UBR4: variants seen among roughly 807,000 people sequenced by gnomAD.
UBR4 encodes the protein ubiquitin protein ligase E3 component n-recognin 4.
A neutral mutation model predicts 575.6 loss-of-function variants in UBR4; 124 were observed. That is an observed-to-expected ratio of 0.22 (90% CI 0.19 to 0.25). The LOEUF is 0.25. Ranked by LOEUF, UBR4 falls within the 10% of genes least tolerant of loss-of-function variation. The probability of loss-of-function intolerance (pLI) is 1.00; values close to 1 mark genes in which losing one functional copy is unlikely to be tolerated. For missense variants in UBR4, 4,818 were observed against 6,478.8 expected, an observed-to-expected ratio of 0.74 and a Z score of 8.80; for synonymous variants, 2,455 against 2,473.7, an observed-to-expected ratio of 0.99 and a Z score of 0.22.
Position 19,093,909 on chromosome 1 carries a change from G to A in UBR4, c.13937+40C>T. Reference sequence around the variant, plus strand: ...CACAGACCTAGTTCGGCGTTTTAGTGGAGACTCTCATTTCACTATATGAAA... The same window carrying A: ...CACAGACCTAGTTCGGCGTTTTAGTAGAGACTCTCATTTCACTATATGAAA... On this transcript the variant is annotated intron_variant, in intron 95 of 105. Transcript: ENST00000375254. The surrounding 1 kb of genome is among the most constrained non-coding windows in gnomAD (Gnocchi z 4.8). The A allele has an allele frequency of 6.3e-7, 1 of 1,584,934 alleles. No individual in the cohort carries two copies. Among genetic ancestry groups the A allele is most frequent in the Non-Finnish European group, 8.6e-7 (1 of 1,161,520 alleles).
chr1:19,159,963 C>T lies in UBR4; in HGVS notation c.5577+148G>A, dbSNP rs899713283. The T allele has an allele frequency of 3.0e-6, 3 of 988,430 alleles. No individual in the cohort carries two copies. The Admixed American group carries it at 9.3e-5, about 31-fold the overall frequency. The allele number at this position is 988,430 out of a possible 1,614,324, so 61.2% of individuals were successfully genotyped here. On this transcript the variant is annotated intron_variant, in intron 39 of 105. Coordinates refer to ENST00000375254, the MANE Select transcript of UBR4 (RefSeq NM_020765.3). Reference sequence around the variant, plus strand: ...CACACTGTTCATAATATGTTCTGGGCATGTCATGATGTCTTAGATTCTAAG... The same window carrying T: ...CACACTGTTCATAATATGTTCTGGGTATGTCATGATGTCTTAGATTCTAAG...
chr1:19,167,942 C>T (rs2088799535), intron 28 of UBR4, 85 bp downstream of exon 28: 2 of 1,371,948 alleles, frequency 1.5e-6, no homozygotes, highest in South Asian at 3.6e-5. Context: ...AGCATTACTA[C>T]ATAGTTATAA....
chr1:19,185,597 G>A, intron 14 of UBR4, among the ~76,000 whole-genome samples: 2 of 147,068 alleles, frequency 1.4e-5, no homozygotes. Context: ...TTTTTGAGAG[G>A]GAGTCTCGCT....
At chr1:19,148,909 C>T (rs2085262687) in intron 49 of UBR4, among the ~76,000 whole-genome samples, 1 of 152,226 alleles carries the variant, frequency 6.6e-6, no homozygotes, top group Non-Finnish European at 1.5e-5. Context: ...GTGCTTCCTT[C>T]TGCTGCCTGT....
At position 19,165,304 on chromosome 1, in the gene UBR4, G is replaced by A; in HGVS notation, c.4257C>T (p.Leu1419=). 6.2e-7 allele frequency: 1 copy of A among 1,614,204 alleles called. No homozygotes were observed. The highest frequency in any genetic ancestry group is 1.3e-5 in the African/African-American group (1 of 75,052). The change falls in exon 31 of 106, where the codon CTC becomes CTT. Residue 1419 remains leucine (L), a synonymous_variant. Transcript: ENST00000375254. The part of the protein sequence containing the change: ...QIMMATANEN[L]SAKFCNRVLK... ...AAACTCGGTTACAGAATTTAGCAGA[G>A]AGGTTCTCATTGGCTGTTGCCATCA...
intron 103 of UBR4, chr1:19,079,909 G>A (rs575810355): frequency 6.6e-6 from 1 of 152,356 alleles, no homozygotes; most frequent in African/African-American, 2.4e-5. Flanking sequence ...CTGCTACAGA[G>A]AAAACAGCAA....
chr1:19,171,728 C>T (rs1170742227), intron 25 of UBR4, among the ~76,000 whole-genome samples: 1 of 152,132 alleles, frequency 6.6e-6, no homozygotes, highest in Non-Finnish European at 1.5e-5. Context: ...ATGCACCTGT[C>T]ATCCCTGCCA....
chr1:19,109,681 GC>G (rs2079623341), intron 81 of UBR4, among the ~76,000 whole-genome samples: 1 of 152,240 alleles, frequency 6.6e-6, no homozygotes, highest in African/African-American at 2.4e-5. Context: ...GGAACAACTT[GC>G]CCAACATCAT....
Position 19,127,605 on chromosome 1 carries a change from A to G in UBR4, c.9228+18T>C, listed in dbSNP as rs372745531. ...CCGCTTACCTTTCCCCAAACCCATG[A>G]ACCCAAAGCAAAAATACCTCACATA... is the stretch of plus-strand genomic sequence containing the variant. On this transcript the variant is annotated intron_variant, in intron 63 of 105. Transcript: ENST00000375254. 4.6e-5 allele frequency: 74 copies of G among 1,607,360 alleles called. No individual in the cohort carries two copies. The highest frequency in any genetic ancestry group is 5.0e-5 in the Admixed American group (3 of 59,996).
At chr1:19,109,087 C>T (rs2079549763) in intron 81 of UBR4, among the ~76,000 whole-genome samples, 1 of 152,210 alleles carries the variant, frequency 6.6e-6, no homozygotes, top group Non-Finnish European at 1.5e-5. Context: ...TGTCCAGCTT[C>T]CCCACATCAT....
chr1:19,084,720 A>T, intron 101 of UBR4, 22 bp from the exon 102 acceptor site: 1 of 1,576,578 alleles, frequency 6.3e-7, no homozygotes, highest in African/African-American at 1.3e-5. Context: ...CAGAACAAAC[A>T]ATGAAATGGA....
At chr1:19,148,520 G>A in intron 50 of UBR4, 43 bp downstream of exon 50, 2 of 1,612,374 alleles carry the variant, frequency 1.2e-6, no homozygotes, top group Non-Finnish European at 8.5e-7. Context: ...CTGACTTCCT[G>A]CCTCTTCAGA....
chr1:19,127,737 A>G lies in UBR4; in HGVS notation c.9114T>C (p.Asp3038=). 1 of 1,613,730 alleles carries G rather than the reference A, an allele frequency of 6.2e-7. No homozygotes were observed. ...LIAELGMDKK[D]VSKKNERSAL... ...CGCTGCGCTCATTCTTCTTGGAGAC[A>G]TCCTGCAGGCCAAAGCGTAAGTCCA... The change falls in exon 63 of 106, where the codon GAT becomes GAC. Residue 3038 remains aspartate (D), a splice_region_variant and synonymous_variant. Coordinates refer to ENST00000375254, the MANE Select transcript of UBR4 (RefSeq NM_020765.3).
In UBR4 at chr1:19,139,193, G is replaced by A; in HGVS notation, c.8621C>T (p.Thr2874Ile). Reference sequence around the variant, plus strand: ...AAGGGTAGAACCATCTGTCGCTGCTGTACTGCCCTCGTCGTCTGAGGCTGG... The same window carrying A: ...AAGGGTAGAACCATCTGTCGCTGCTATACTGCCCTCGTCGTCTGAGGCTGG... ...SAPASDDEGS[T>I]AATDGSTLRT... Residue 2874 changes from threonine (T) to isoleucine (I), a missense_variant, in exon 59 of 106, where the codon ACA (threonine) becomes ATA (isoleucine). By Grantham distance (89) the Thr-to-Ile change is moderately conservative (BLOSUM62 -1). Around this residue, in one of 29 missense-constraint regions of UBR4, gnomAD observed 57 missense variants for 101.5 expected, o/e 0.56. Transcript: ENST00000375254. The surrounding 1 kb of genome is among the most constrained non-coding windows in gnomAD (Gnocchi z 4.2). The A allele has an allele frequency of 6.2e-7, 1 of 1,613,212 alleles. No individual in the cohort carries two copies. Among genetic ancestry groups the A allele is most frequent in the African/African-American group, 1.3e-5 (1 of 75,032 alleles).
chr1:19,088,846 A>G lies in UBR4; in HGVS notation c.14343T>C (p.Ile4781=), dbSNP rs2077256280. Residue 4781 remains isoleucine, a synonymous_variant, in exon 98 of 106, where the codon ATT becomes ATC. Transcript: ENST00000375254. This position sits in a 1 kb window ranked among gnomAD's most constrained non-coding sequence, Gnocchi z 4.0. ...CCCGGGTCTCCCTGCGGGCTGCGTCAATCTTCTTGTTTACGTCAGGGTGTT... is the reference window on the plus strand; with the variant it reads ...CCCGGGTCTCCCTGCGGGCTGCGTCGATCTTCTTGTTTACGTCAGGGTGTT... ...LREHPDVNKK[I]DAARRETRAE... 2 of 1,613,836 alleles carry G rather than the reference A, an allele frequency of 1.2e-6. No individual in the cohort carries two copies.
chr1:19,206,268 T>C (rs1261630229), intron 1 of UBR4, among the ~76,000 whole-genome samples: 2 of 152,068 alleles, frequency 1.3e-5, no homozygotes, highest in African/African-American at 4.8e-5. Context: ...GCCCAGGAGT[T>C]TGAGGCTGTA....
At chr1:19,107,112 T>C in intron 81 of UBR4, 146 bp from the exon 82 acceptor site, 1 of 1,211,772 alleles carries the variant, frequency 8.3e-7, no homozygotes, top group Non-Finnish European at 1.1e-6. Context: ...TATGCCCAAA[T>C]ATGTGTTCCT....
chr1:19,183,492 C>T (rs1192901023), intron 17 of UBR4, among the ~76,000 whole-genome samples: 3 of 152,104 alleles, frequency 2.0e-5, no homozygotes, highest in Non-Finnish European at 1.5e-5. Context: ...GAGGCTGAGG[C>T]GGGCGGATCA....
In UBR4 at chr1:19,130,528, G is replaced by A. The variant is rs143997082; in HGVS notation, c.8907-1454C>T. On this transcript the variant is annotated intron_variant, in intron 60 of 105. Transcript: ENST00000375254. Reference sequence around the variant, plus strand: ...AAGTCCCTGTCTCTAAAAATAGAACGAATGAAAGAAAGTACGGGGTCTTAC... The same window carrying A: ...AAGTCCCTGTCTCTAAAAATAGAACAAATGAAAGAAAGTACGGGGTCTTAC... Among the ~76,000 whole-genome samples, 133 of 152,228 alleles carry A rather than the reference G, an allele frequency of 8.7e-4. 1 individual carries two copies. The highest frequency in any genetic ancestry group is 3.0e-3 in the African/African-American group (126 of 41,536).
Sources: gnomAD v4.1 joint callset for allele counts (sites outside exome capture counted in the v4.1 genomes callset) on GRCh38, gnomAD v4.1.1 for gene constraint, gnomAD v4.1.1 regional missense constraint, Gnocchi (gnomAD v3.1) non-coding constraint, MANE v1.5 for transcripts, NCBI Gene and HGNC (gene_info 2026-07-23, HGNC 2026-07-21) for gene names.